OR51M1: variants seen among roughly 807,000 people sequenced by gnomAD.
OR51M1 encodes the protein olfactory receptor family 51 subfamily M member 1, also known as olfactory receptor 51M1.
For missense variants in OR51M1, 509 were observed against 404.4 expected, an observed-to-expected ratio of 1.26 and a Z score of -2.22; for synonymous variants, 199 against 155.1, an observed-to-expected ratio of 1.28 and a Z score of -2.10.
Position 5,389,535 on chromosome 11 carries a change from T to C in OR51M1, c.137T>C (p.Met46Thr). 4 of 1,614,026 alleles carry C rather than the reference T, an allele frequency of 2.5e-6. No homozygotes were observed. Among genetic ancestry groups the C allele is most frequent in the Non-Finnish European group, 3.4e-6 (4 of 1,179,900 alleles). ...TGGATTTTCATCCCCTTTTTCTTTA[T>C]GTACATGGTTGCCATCTCAGGCAAT... ...KHWIFIPFFFMYMVAISGNCF... is the reference protein window; with the variant it reads ...KHWIFIPFFFTYMVAISGNCF... Residue 46 changes from methionine to threonine, a missense_variant, in exon 3 of 3, where the codon ATG (methionine) becomes ACG (threonine). Physicochemically the swap from Met to Thr is moderately conservative, Grantham distance 81. Transcript: ENST00000642046.
rs761167652 is a variant in OR51M1 at position 5,390,187 on chromosome 11, C to T, written c.789C>T (p.Phe263=). The T allele has an allele frequency of 3.6e-5, 58 of 1,613,878 alleles. 1 individual carries two copies. Among genetic ancestry groups the T allele is most frequent in the Non-Finnish European group, 4.6e-5 (54 of 1,179,886 alleles). ...CTAPLCAVLV[F]FVPMMGLSLV... is the part of the protein sequence containing the mutation. ...CTCCTCTCTGTGCTGTGCTAGTATT[C>T]TTTGTGCCCATGATGGGGCTGTCCC... The change falls in exon 3 of 3, where the codon TTC becomes TTT. Residue 263 remains phenylalanine (F), a synonymous_variant. Transcript: ENST00000642046.
In OR51M1 at chr11:5,390,867, C is replaced by T. The variant is rs1421631655; in HGVS notation, c.*488C>T. ...ATCCTGGTCAGCAGTAACTTTCAGA[C>T]CCCCAAGTCACATCAGAAACCTCAG... On this transcript the variant is annotated 3_prime_UTR_variant, in exon 3 of 3. Transcript: ENST00000642046. The T allele has an allele frequency of 1.3e-5, 2 of 155,072 alleles. No individual in the cohort carries two copies. Among genetic ancestry groups the T allele is most frequent in the Non-Finnish European group, 2.9e-5 (2 of 70,102 alleles). 9.6% of individuals were successfully genotyped at this position (155,072 alleles called of 1,614,324 possible).
chr11:5,389,758 C>G lies in OR51M1; in HGVS notation c.360C>G (p.Ser120=), dbSNP rs1480179897. ...AGATGTTCTGCATCCACTCTTTTTC[C>G]TTCATGGAGTCCTCAGTGCTCCTCA... The part of the protein sequence containing the change: ...QIQMFCIHSF[S]FMESSVLLMM... Residue 120 remains serine, a synonymous_variant, in exon 3 of 3, where the codon TCC becomes TCG. Coordinates refer to ENST00000642046, the MANE Select transcript of OR51M1 (RefSeq NM_001004756.3). 5 of 1,613,834 alleles carry G rather than the reference C, an allele frequency of 3.1e-6. No individual in the cohort carries two copies. The highest frequency in any genetic ancestry group is 2.7e-5 in the African/African-American group (2 of 74,894).
intron 2 of OR51M1, 74 bp from the exon 3 acceptor site, chr11:5,389,310 T>C (rs2133727603): frequency 8.0e-7 from 1 of 1,244,594 alleles, no homozygotes; most frequent in East Asian, 2.3e-5. Flanking sequence ...ATGATGACCA[T>C]GGTACTGCTT....
rs1408497056 is a variant in OR51M1, at chr11:5,386,881, A to G, written c.-16+1423A>G. On this transcript the variant is annotated intron_variant, in intron 2 of 2. Transcript: ENST00000642046. Reference sequence around the variant, plus strand: ...TCTTGAATGGCAGGAAATGGTGAATAATATTATAAAAAATGCATAAATATG... The same window carrying G: ...TCTTGAATGGCAGGAAATGGTGAATGATATTATAAAAAATGCATAAATATG... 2.0e-5 allele frequency among the ~76,000 whole-genome samples: 3 copies of G among 152,152 alleles called. No individual in the cohort carries two copies. In the East Asian group the frequency reaches 5.8e-4, roughly 29 times the overall value.
chr11:5,389,937 A>C lies in OR51M1; in HGVS notation c.539A>C (p.Tyr180Ser). 1.2e-6 allele frequency: 2 copies of C among 1,611,148 alleles called. No homozygotes were observed. Among genetic ancestry groups the C allele is most frequent in the Non-Finnish European group, 1.7e-6 (2 of 1,179,842 alleles). The change falls in exon 3 of 3, where the codon TAC (tyrosine) becomes TCC (serine). Residue 180 changes from tyrosine to serine, a missense_variant. Physicochemically the swap from Tyr to Ser is moderately radical, Grantham distance 144. Coordinates refer to ENST00000642046, the MANE Select transcript of OR51M1 (RefSeq NM_001004756.3). ...PIVLLLKAFP[Y>S]CGSVVLSHSF... ...GTCCTCCTCCTGAAGGCTTTTCCCT[A>C]CTGTGGATCTGTGGTCCTCTCCCAC...
rs1849791632 is a variant in OR51M1, at chr11:5,391,269, C to T, written c.*890C>T. On this transcript the variant is annotated 3_prime_UTR_variant, in exon 3 of 3. Transcript: ENST00000642046. ...AGGGGTCTCAGCTTTGAAATTGCTT[C>T]CTCAAGGACATTTTCACAGATAGCT... 6.6e-6 allele frequency: 1 copy of T among 152,210 alleles called. No individual in the cohort carries two copies. The highest frequency in any genetic ancestry group is 1.5e-5 in the Non-Finnish European group (1 of 68,048). The allele number at this position is 152,210 out of a possible 1,614,324, so 9.4% of individuals were successfully genotyped here.
At position 5,389,860 on chromosome 11, in the gene OR51M1, C is replaced by G. The variant is rs1471246090; in HGVS notation, c.462C>G (p.Val154=). The G allele has an allele frequency of 6.2e-7, 1 of 1,613,724 alleles. No individual in the cohort carries two copies. The highest frequency in any genetic ancestry group is 1.7e-5 in the Admixed American group (1 of 60,018). The change falls in exon 3 of 3, where the codon GTC becomes GTG. Residue 154 remains valine (V), a synonymous_variant. Coordinates refer to ENST00000642046, the MANE Select transcript of OR51M1 (RefSeq NM_001004756.3). ...TCATTATCACTGGCCAGCAAGTGGT[C>G]AGAGCAGGCCTAATTGTCATCTTCC... ...YSVIITGQQV[V]RAGLIVIFRG...
intron 2 of OR51M1, among the ~76,000 whole-genome samples, chr11:5,387,735 T>G (rs78640320): frequency 0.78 from 118,624 of 151,896 alleles, 46,718 homozygotes; most frequent in Middle Eastern, 0.84. Flanking sequence ...TCCTTGAATG[T>G]TTTTCCCTAA....
Position 5,388,704 on chromosome 11 carries a change from G to A in OR51M1, c.-15-680G>A, listed in dbSNP as rs7935053. Reference sequence around the variant, plus strand: ...ACCTTTTTTACTTCATTAAAAACTTGTTTATGTATACGTCTCTCTTGCTAT... The same window carrying A: ...ACCTTTTTTACTTCATTAAAAACTTATTTATGTATACGTCTCTCTTGCTAT... On this transcript the variant is annotated intron_variant, in intron 2 of 2. Coordinates refer to ENST00000642046, the MANE Select transcript of OR51M1 (RefSeq NM_001004756.3). 2.9e-3 allele frequency among the ~76,000 whole-genome samples: 441 copies of A among 151,616 alleles called. 1 individual carries two copies. Among genetic ancestry groups the A allele is most frequent in the African/African-American group, 0.01 (418 of 41,374 alleles).
intron 1 of OR51M1, among the ~76,000 whole-genome samples, chr11:5,384,648 T>C (rs1849657652): frequency 6.6e-6 from 1 of 152,210 alleles, no homozygotes; most frequent in African/African-American, 2.4e-5. Flanking sequence ...AGCCATCTGG[T>C]ATACACACCC....
Position 5,392,159 on chromosome 11 carries a change from G to C in OR51M1, c.*1780G>C, listed in dbSNP as rs971479298. On this transcript the variant is annotated 3_prime_UTR_variant, in exon 3 of 3. Coordinates refer to ENST00000642046, the MANE Select transcript of OR51M1 (RefSeq NM_001004756.3). ...TATGTTTGTGCGGTTTCTTGTGTAT[G>C]TTTGTGTGGTATCTCATGTTTGTAT... is the stretch of plus-strand genomic sequence containing the variant. The C allele has an allele frequency of 6.6e-6, 1 of 152,212 alleles. No homozygotes were observed. Among genetic ancestry groups the C allele is most frequent in the Non-Finnish European group, 1.5e-5 (1 of 68,036 alleles). The allele number at this position is 152,212 out of a possible 1,614,324, so 9.4% of individuals were successfully genotyped here.
At chr11:5,387,893 T>C (rs576912829) in intron 2 of OR51M1, among the ~76,000 whole-genome samples, 3 of 149,186 alleles carry the variant, frequency 2.0e-5, no homozygotes, top group African/African-American at 4.9e-5. Flanking sequence ...TTACCTTGCA[T>C]TGCAGTATGT....
At position 5,390,466 on chromosome 11, in the gene OR51M1, C is replaced by T. The variant is rs1589970523; in HGVS notation, c.*87C>T. ...TGGAGTATTGAGTATATAGCATGCT[C>T]TTAAAGATTTTTTGCCCCTGTCCTA... is the stretch of plus-strand genomic sequence containing the variant. On this transcript the variant is annotated 3_prime_UTR_variant, in exon 3 of 3. Coordinates refer to ENST00000642046, the MANE Select transcript of OR51M1 (RefSeq NM_001004756.3). 2 of 1,196,268 alleles carry T rather than the reference C, an allele frequency of 1.7e-6. No homozygotes were observed. Among genetic ancestry groups the T allele is most frequent in the Non-Finnish European group, 2.3e-6 (2 of 880,328 alleles). 74.1% of individuals were successfully genotyped at this position (1,196,268 alleles called of 1,614,324 possible). A position where few individuals can be genotyped will look rare whatever the true frequency, so the allele number is the denominator to read the frequency against.
rs769141782 is a variant in OR51M1, at chr11:5,390,273, A to G, written c.875A>G (p.Tyr292Cys). ...PAIHLLMANV[Y>C]LFVPPMLNPI... ...ATTCATCTTCTTATGGCCAATGTCTACCTTTTTGTGCCTCCCATGCTTAAC... is the reference window on the plus strand; with the variant it reads ...ATTCATCTTCTTATGGCCAATGTCTGCCTTTTTGTGCCTCCCATGCTTAAC... Residue 292 changes from tyrosine to cysteine, a missense_variant, in exon 3 of 3, where the codon TAC becomes TGC. By Grantham distance (194) the Tyr-to-Cys change is radical (BLOSUM62 -2). Transcript: ENST00000642046. The G allele has an allele frequency of 2.5e-6, 4 of 1,613,816 alleles. No homozygotes were observed. The highest frequency in any genetic ancestry group is 2.7e-5 in the African/African-American group (2 of 74,912).
In OR51M1 at chr11:5,386,349, G is replaced by C. The variant is rs187544864; in HGVS notation, c.-16+891G>C. On this transcript the variant is annotated intron_variant, in intron 2 of 2. Coordinates refer to ENST00000642046, the MANE Select transcript of OR51M1 (RefSeq NM_001004756.3). Reference sequence around the variant, plus strand: ...AGGCTACCAGGGCCATGCATAGAGAGACAAAGGTTCATATCTTATCCTGAT... The same window carrying C: ...AGGCTACCAGGGCCATGCATAGAGACACAAAGGTTCATATCTTATCCTGAT... 4.2e-3 allele frequency among the ~76,000 whole-genome samples: 639 copies of C among 152,250 alleles called. 4 individuals are homozygous for C. The highest frequency in any genetic ancestry group is 0.015 in the African/African-American group (604 of 41,546).
Position 5,390,468 on chromosome 11 carries a change from T to TA in OR51M1, c.*92dup. The TA allele has an allele frequency of 8.5e-7, 1 of 1,178,984 alleles. No homozygotes were observed. Among genetic ancestry groups the TA allele is most frequent in the South Asian group, 1.7e-5 (1 of 58,160 alleles). The allele number at this position is 1,178,984 out of a possible 1,614,324, so 73.0% of individuals were successfully genotyped here. A position where few individuals can be genotyped will look rare whatever the true frequency, so the allele number is the denominator to read the frequency against. On this transcript the variant is annotated 3_prime_UTR_variant, in exon 3 of 3. Transcript: ENST00000642046. ...GAGTATTGAGTATATAGCATGCTCT[T>TA]AAAGATTTTTTGCCCCTGTCCTAAA... is the stretch of plus-strand genomic sequence containing the variant.
Position 5,386,507 on chromosome 11 carries a change from A to G in OR51M1, c.-16+1049A>G, listed in dbSNP as rs1849698023. On this transcript the variant is annotated intron_variant, in intron 2 of 2. Transcript: ENST00000642046. ...TCAAGCTTTTCACAGCATCTAAATC[A>G]TGTATGGCCTCAATAAATTGGACTA... 2.0e-5 allele frequency among the ~76,000 whole-genome samples: 3 copies of G among 152,244 alleles called. No homozygotes were observed. The East Asian group carries it at 5.8e-4, about 29-fold the overall frequency.
intron 2 of OR51M1, 118 bp from the exon 3 acceptor site, chr11:5,389,266 A>T (rs1849751183): frequency 2.3e-6 from 2 of 872,148 alleles, no homozygotes. Context: ...GATTGGCAGA[A>T]TTCATAAGGG....
Sources: gnomAD v4.1 joint callset for allele counts (sites outside exome capture counted in the v4.1 genomes callset) on GRCh38, gnomAD v4.1.1 for gene constraint, MANE v1.5 for transcripts, NCBI Gene and HGNC (gene_info 2026-07-23, HGNC 2026-07-21) for gene names.